Variants in UTRN observed in about 807,000 individuals in gnomAD.
UTRN encodes the protein utrophin, also known as dystrophin-related protein 1.
A neutral mutation model predicts 463.9 loss-of-function variants in UTRN; 283 were observed. The ratio of observed to expected loss-of-function variants is 0.61; its 90% CI spans 0.55 to 0.67. The LOEUF (loss-of-function observed/expected upper bound fraction) is 0.67. Among genes scored for constraint, UTRN ranks in the 30% least tolerant of loss-of-function variants. The pLI is 0.00. For synonymous variants in UTRN, 1,442 were observed against 1,431.5 expected (o/e 1.01, Z -0.17); for missense variants, 3,922 against 4,084.3 (o/e 0.96, Z 1.08).
chr6:144,416,741 C>T (rs1784394172), intron 3 of UTRN, among the ~76,000 whole-genome samples: 2 of 151,960 alleles, frequency 1.3e-5, no homozygotes, highest in South Asian at 4.2e-4. Flanking sequence ...TAAATGTGAC[C>T]CAAGGCTTAT....
chr6:144,583,008 C>T (rs923006477), intron 51 of UTRN, among the ~76,000 whole-genome samples: 2 of 152,156 alleles, frequency 1.3e-5, no homozygotes, highest in Non-Finnish European at 2.9e-5. Flanking sequence ...GAACATATCC[C>T]TCTTTAGAGA....
intron 74 of UTRN, among the ~76,000 whole-genome samples, chr6:144,848,491 C>T (rs888265580): frequency 6.6e-6 from 1 of 152,096 alleles, no homozygotes; most frequent in Admixed American, 6.6e-5. Flanking sequence ...GAGGAAATGT[C>T]CAGTGTGGGA....
In UTRN at chr6:144,658,379, C is replaced by A. The variant is rs559253449; in HGVS notation, c.7480-20027C>A. Among the ~76,000 whole-genome samples, 1,016 of 151,996 alleles carry A rather than the reference C, an allele frequency of 6.7e-3. 9 individuals carry two copies. The highest frequency in any genetic ancestry group is 6.3e-3 in the Non-Finnish European group (430 of 67,950). On this transcript the variant is annotated intron_variant, in intron 51 of 74. Transcript: ENST00000367545. ...TAGAAAGAAAAATGATTTGCAAATC[C>A]AAAAAATAATACCAACATTGTATAC...
intron 23 of UTRN, among the ~76,000 whole-genome samples, chr6:144,471,442 T>G (rs971905831): frequency 2.6e-5 from 4 of 152,252 alleles, no homozygotes; most frequent in Non-Finnish European, 5.9e-5. Context: ...CAGTAATGCA[T>G]TCTTTAAAAG....
Position 144,447,594 on chromosome 6 carries a change from A to T in UTRN, c.1723-8A>T. ...AAAGAGTCATCTAATAAATATCTGA[A>T]ATACTAGATTTTGAAGGAAGACATG... is the stretch of plus-strand genomic sequence containing the variant. On this transcript the variant is annotated splice_polypyrimidine_tract_variant and splice_region_variant and intron_variant, in intron 15 of 74. Transcript: ENST00000367545. 1 of 1,611,372 alleles carries T rather than the reference A, an allele frequency of 6.2e-7. No homozygotes were observed. Among genetic ancestry groups the T allele is most frequent in the Admixed American group, 1.7e-5 (1 of 59,324 alleles).
intron 2 of UTRN, among the ~76,000 whole-genome samples, chr6:144,378,659 G>A (rs934353635): frequency 2.6e-5 from 4 of 152,236 alleles, no homozygotes; most frequent in Non-Finnish European, 5.9e-5. Context: ...GCAAACTGAG[G>A]AGGGTGAGTG....
chr6:144,440,843 C>T (rs546399072), intron 13 of UTRN, among the ~76,000 whole-genome samples: 1 of 152,272 alleles, frequency 6.6e-6, no homozygotes, highest in Admixed American at 6.5e-5. Flanking sequence ...GGGGAGACCT[C>T]ACAATCATGG....
chr6:144,783,596 T>C (rs2128739582), intron 61 of UTRN, among the ~76,000 whole-genome samples: 1 of 152,354 alleles, frequency 6.6e-6, no homozygotes, highest in Non-Finnish European at 1.5e-5. Flanking sequence ...CAGAATCCTC[T>C]GTTCTATCTT....
rs375475681 is a variant in UTRN at position 144,632,884 on chromosome 6, G to A, written c.7480-45522G>A. 5.8e-4 allele frequency among the ~76,000 whole-genome samples: 88 copies of A among 152,016 alleles called. 1 individual carries two copies. The highest frequency in any genetic ancestry group is 2.0e-3 in the African/African-American group (84 of 41,472). ...TTATAGGCATGCACCACCATGCCTG[G>A]CTAATTTTGTATTTTTAGTAGAGAC... On this transcript the variant is annotated intron_variant, in intron 51 of 74. Transcript: ENST00000367545.
intron 23 of UTRN, among the ~76,000 whole-genome samples, chr6:144,470,324 G>T (rs545391934): frequency 6.6e-6 from 1 of 152,020 alleles, no homozygotes; most frequent in South Asian, 2.1e-4. Flanking sequence ...CTGCCGGGCG[G>T]AGACGCTCCT....
At chr6:144,668,928 C>A (rs898572534) in intron 51 of UTRN, among the ~76,000 whole-genome samples, 1 of 152,164 alleles carries the variant, frequency 6.6e-6, no homozygotes, top group Admixed American at 6.5e-5. Context: ...AGATTCATTG[C>A]CTGAAATGCA....
intron 52 of UTRN, among the ~76,000 whole-genome samples, chr6:144,699,472 G>GTTTTT (rs1210591375): frequency 1.4e-5 from 1 of 71,116 alleles, no homozygotes; most frequent in African/African-American, 5.5e-5. Flanking sequence ...ATTAGTCAGT[G>GTTTTT]GTTTTTTTTT....
chr6:144,470,039 C>T (rs79428194), intron 23 of UTRN, among the ~76,000 whole-genome samples: 1 of 152,214 alleles, frequency 6.6e-6, no homozygotes, highest in Non-Finnish European at 1.5e-5. Context: ...AGACCAACAG[C>T]ATCCCAAGGC....
At chr6:144,407,360 G>A (rs1429279354) in intron 3 of UTRN, among the ~76,000 whole-genome samples, 3 of 152,152 alleles carry the variant, frequency 2.0e-5, no homozygotes, top group Non-Finnish European at 4.4e-5. Context: ...AGAGACAGGA[G>A]TAGAGTTTAG....
intron 65 of UTRN, among the ~76,000 whole-genome samples, chr6:144,812,844 A>G (rs993361425): frequency 1.3e-5 from 2 of 151,886 alleles, no homozygotes; most frequent in African/African-American, 4.9e-5. Flanking sequence ...ATTCATTTAT[A>G]TTAGTTGGTG....
rs1283401498 is a variant in UTRN at position 144,748,475 on chromosome 6, A to C, written c.8169A>C (p.Leu2723Phe). 6.2e-7 allele frequency: 1 copy of C among 1,613,948 alleles called. No homozygotes were observed. The highest frequency in any genetic ancestry group is 8.5e-7 in the Non-Finnish European group (1 of 1,179,892). The part of the protein sequence containing the change: ...VRNGWKPVGD[L>F]LIDSLQDHIE... ...ATGGCTGGAAGCCCGTGGGAGACTTACTCATTGACTCGCTGCAGGATCACA... is the reference window on the plus strand; with the variant it reads ...ATGGCTGGAAGCCCGTGGGAGACTTCCTCATTGACTCGCTGCAGGATCACA... The change falls in exon 55 of 75, where the codon TTA becomes TTC. Residue 2723 changes from leucine to phenylalanine, a missense_variant. Around this residue, in one of 3 missense-constraint regions of UTRN, gnomAD observed 1,309 missense variants for 1,452.6 expected, o/e 0.90. Transcript: ENST00000367545.
intron 2 of UTRN, among the ~76,000 whole-genome samples, chr6:144,311,142 G>GATT (rs1806236094): frequency 6.6e-6 from 1 of 152,226 alleles, no homozygotes; most frequent in Non-Finnish European, 1.5e-5. Flanking sequence ...GCTTTCTTCA[G>GATT]ATTACTAAGC....
Position 144,763,823 on chromosome 6 carries a change from T to A in UTRN, c.8495+5834T>A, listed in dbSNP as rs528222506. On this transcript the variant is annotated intron_variant, in intron 58 of 74. Transcript: ENST00000367545. The stretch of plus-strand genomic sequence containing the variant: ...GAATAAACCCGTAACAAAGGTATAA[T>A]TAACAATGAAAAATAAACATAGCTC... Among the ~76,000 whole-genome samples, 9 of 152,256 alleles carry A rather than the reference T, an allele frequency of 5.9e-5. No individual in the cohort carries two copies. The East Asian group carries it at 1.7e-3, about 29-fold the overall frequency.
In UTRN at chr6:144,537,737, C is replaced by T; in HGVS notation, c.6369+20C>T. ...TTAAGAGTAAGTTGTTTATTTCTGT[C>T]TATATGCCTTTTGGTGCCCGAACAT... On this transcript the variant is annotated intron_variant, in intron 44 of 74. Transcript: ENST00000367545. 2 of 1,604,156 alleles carry T rather than the reference C, an allele frequency of 1.2e-6. No individual in the cohort carries two copies. The highest frequency in any genetic ancestry group is 1.7e-5 in the Admixed American group (1 of 58,498).
Sources: allele counts gnomAD v4.1 joint callset (sites outside exome capture counted in the v4.1 genomes callset), GRCh38; gene constraint gnomAD v4.1.1; regional missense constraint gnomAD v4.1.1; transcripts MANE v1.5; gene names NCBI Gene and HGNC (gene_info 2026-07-23, HGNC 2026-07-21).